Variants in PUDP observed in about 807,000 individuals in gnomAD.
PUDP encodes the protein pseudouridine-5'-phosphatase.
Under a neutral mutation model 9.4 loss-of-function variants are expected in PUDP, and 8 were observed. The observed-to-expected ratio is 0.85, with a 90% CI of 0.50 to 1.53. PUDP has a LOEUF of 1.53. PUDP is among the 40% of genes most tolerant of loss of function. PUDP has a pLI of 0.00. For synonymous variants in PUDP, 99 were observed against 80.7 expected, an observed-to-expected ratio of 1.23 and a Z score of -1.22; for missense variants, 188 against 189.7, an observed-to-expected ratio of 0.99 and a Z score of 0.05.
At chrX:7,082,581 G>A (rs1028686497) in intron 2 of PUDP, among the ~76,000 whole-genome samples, 1 of 112,328 alleles carries the variant, frequency 8.9e-6, no homozygotes, top group African/African-American at 3.2e-5. Flanking sequence ...AGAGCTCTAT[G>A]AAGTGAGACA....
intron 3 of PUDP, among the ~76,000 whole-genome samples, chrX:6,960,678 T>C (rs940497165): frequency 4.5e-5 from 5 of 112,116 alleles, no homozygotes; most frequent in African/African-American, 1.3e-4. Context: ...ACAGAGGACA[T>C]TGAATGTAGG....
intron 1 of PUDP, among the ~76,000 whole-genome samples, chrX:6,996,988 T>G (rs1490273134): frequency 9.0e-6 from 1 of 110,911 alleles, no homozygotes; most frequent in Admixed American, 9.7e-5. Context: ...ATTCTTTTAC[T>G]TAATGGTTTG....
intron 3 of PUDP, among the ~76,000 whole-genome samples, chrX:6,972,535 C>G (rs1213665076): frequency 1.8e-5 from 2 of 112,048 alleles, no homozygotes. Flanking sequence ...GTTGCACCAG[C>G]CTTGTATCCC....
intron 3 of PUDP, among the ~76,000 whole-genome samples, chrX:6,766,877 A>G (rs116048055): frequency 0.017 from 1,892 of 112,287 alleles, 42 homozygotes; most frequent in African/African-American, 0.057. Context: ...TCTTTCTTAC[A>G]ACTACATGAC....
At chrX:7,012,528 T>C (rs1397489325) in intron 1 of PUDP, among the ~76,000 whole-genome samples, 1 of 110,971 alleles carries the variant, frequency 9.0e-6, no homozygotes, top group Non-Finnish European at 1.9e-5. Context: ...ATCGGTAGAG[T>C]AGCTGCTGAT....
At chrX:7,109,190 C>G (rs1021403755) in intron 1 of PUDP, among the ~76,000 whole-genome samples, 2 of 112,018 alleles carry the variant, frequency 1.8e-5, no homozygotes, top group Non-Finnish European at 3.8e-5. Context: ...CAGGCATGAG[C>G]GCTCCTTTTA....
At chrX:6,706,041 A>G (rs1373731612) in intron 2 of PUDP, among the ~76,000 whole-genome samples, 3 of 112,575 alleles carry the variant, frequency 2.7e-5, no homozygotes, top group Admixed American at 9.4e-5. Context: ...ACACCATGTG[A>G]ACTAAGCATC....
chrX:6,731,078 AT>A (rs199641048), intron 3 of PUDP, among the ~76,000 whole-genome samples: 1 of 80,430 alleles, frequency 1.2e-5, no homozygotes, highest in Non-Finnish European at 2.6e-5. Flanking sequence ...ATTTTATTTT[AT>A]TTTTTTTAGA....
chrX:6,844,844 G>A (rs1363284046), intron 3 of PUDP, among the ~76,000 whole-genome samples: 1 of 112,253 alleles, frequency 8.9e-6, no homozygotes, highest in Non-Finnish European at 1.9e-5. Context: ...CCAGTATGAG[G>A]CCAAATTCCT....
chrX:7,093,133 T>A (rs766787046), intron 2 of PUDP, among the ~76,000 whole-genome samples: 1 of 111,647 alleles, frequency 9.0e-6, no homozygotes. Flanking sequence ...AAGGTGAAAC[T>A]CTGTCCCCAT....
At chrX:7,124,427 A>C (rs1245590949) in intron 1 of PUDP, among the ~76,000 whole-genome samples, 1 of 111,703 alleles carries the variant, frequency 9.0e-6, no homozygotes, top group East Asian at 2.8e-4. Flanking sequence ...CTGCACTAAA[A>C]AAGTATGTTC....
At chrX:7,110,713 A>T (rs1412904735) in intron 1 of PUDP, among the ~76,000 whole-genome samples, 3 of 108,061 alleles carry the variant, frequency 2.8e-5, no homozygotes, top group African/African-American at 1.0e-4. Flanking sequence ...GGATTTGGGT[A>T]GGTAGTGGAA....
At chrX:6,835,441 C>A (rs1926567106) in intron 3 of PUDP, among the ~76,000 whole-genome samples, 1 of 111,348 alleles carries the variant, frequency 9.0e-6, no homozygotes, top group Non-Finnish European at 1.9e-5. Flanking sequence ...GTTTTAAGCT[C>A]CCATATATAT....
intron 1 of PUDP, among the ~76,000 whole-genome samples, chrX:7,141,668 A>AT (rs1188170475): frequency 1.8e-5 from 2 of 112,909 alleles, no homozygotes; most frequent in Non-Finnish European, 3.7e-5. Flanking sequence ...TGTAGACAAA[A>AT]CAGCCTTCTA....
At chrX:6,737,815 T>C (rs1439025834) in intron 3 of PUDP, among the ~76,000 whole-genome samples, 1 of 111,476 alleles carries the variant, frequency 9.0e-6, no homozygotes, top group Admixed American at 9.6e-5. Context: ...TTGTCTCCTA[T>C]TTTAAAAGGA....
At chrX:7,075,648 A>G (rs1352378075) in intron 3 of PUDP, among the ~76,000 whole-genome samples, 2 of 111,627 alleles carry the variant, frequency 1.8e-5, no homozygotes, top group African/African-American at 6.5e-5. Flanking sequence ...AAGCTCCATA[A>G]AAACCTCTAC....
At chrX:6,732,444 T>A (rs1192148632) in intron 3 of PUDP, among the ~76,000 whole-genome samples, 3 of 111,651 alleles carry the variant, frequency 2.7e-5, no homozygotes, top group Non-Finnish European at 5.6e-5. Context: ...TATTAAAATG[T>A]AAAATCTCAC....
intron 3 of PUDP, among the ~76,000 whole-genome samples, chrX:6,766,954 C>T (rs1220929004): frequency 8.9e-6 from 1 of 112,444 alleles, no homozygotes; most frequent in Non-Finnish European, 1.9e-5. Flanking sequence ...ACAATAGCAA[C>T]CCAAAAAGGA....
chrX:6,760,204 C>A (rs933395559), intron 3 of PUDP, among the ~76,000 whole-genome samples: 8 of 111,671 alleles, frequency 7.2e-5, no homozygotes, highest in African/African-American at 2.3e-4. Context: ...AGCTGTCCCT[C>A]TTTTCTCAAC....
Sources: allele counts gnomAD v4.1 joint callset (sites outside exome capture counted in the v4.1 genomes callset), GRCh38; gene constraint gnomAD v4.1.1; transcripts MANE v1.5; gene names NCBI Gene and HGNC (gene_info 2026-07-23, HGNC 2026-07-21).